Variants in DLG2 observed in about 807,000 individuals in gnomAD.
DLG2 encodes the protein discs large MAGUK scaffold protein 2.
DLG2 carries 45 observed loss-of-function variants against 132.5 expected under a neutral mutation model. The ratio of observed to expected loss-of-function variants is 0.34; its 90% confidence interval spans 0.27 to 0.44. The LOEUF (loss-of-function observed/expected upper bound fraction) is 0.44, where lower values mean the gene tolerates loss of function less well. Ranked by LOEUF, DLG2 falls within the 20% of genes least tolerant of loss-of-function variation. DLG2 has a pLI of 1.00. For synonymous variants in DLG2, 424 were observed against 419.6 expected, an observed-to-expected ratio of 1.01 and a Z score of -0.13; for missense variants, 1,045 against 1,196.9, an observed-to-expected ratio of 0.87 and a Z score of 1.87.
chr11:83,969,479 T>A (rs2090915205), intron 12 of DLG2, among the ~76,000 whole-genome samples: 1 of 152,248 alleles, frequency 6.6e-6, no homozygotes, highest in Non-Finnish European at 1.5e-5. Flanking sequence ...CATATCTCAC[T>A]GATCTCACTG....
chr11:85,487,729 A>T (rs1000680002), intron 3 of DLG2, among the ~76,000 whole-genome samples: 5 of 152,190 alleles, frequency 3.3e-5, no homozygotes, highest in African/African-American at 1.2e-4. Flanking sequence ...GGGTGAAGAG[A>T]GATCAAAAGA....
At chr11:85,170,048 C>G (rs886891054) in intron 4 of DLG2, among the ~76,000 whole-genome samples, 4 of 152,142 alleles carry the variant, frequency 2.6e-5, no homozygotes, top group Non-Finnish European at 5.9e-5. Flanking sequence ...AGGAGAAAAG[C>G]ACATAATTTT....
At chr11:84,565,927 C>A (rs943571331) in intron 6 of DLG2, among the ~76,000 whole-genome samples, 1 of 151,098 alleles carries the variant, frequency 6.6e-6, no homozygotes, top group East Asian at 1.9e-4. Context: ...ACCAACATAA[C>A]TACTATTTCC....
intron 6 of DLG2, among the ~76,000 whole-genome samples, chr11:84,614,906 CT>C (rs554039085): frequency 1.4e-3 from 216 of 152,208 alleles, no homozygotes; most frequent in Non-Finnish European, 2.6e-3. Flanking sequence ...TGTTACAGGA[CT>C]TTCAAAGTAG....
intron 3 of DLG2, among the ~76,000 whole-genome samples, chr11:85,493,159 A>G (rs934323051): frequency 6.6e-6 from 1 of 152,186 alleles, no homozygotes; most frequent in Non-Finnish European, 1.5e-5. Context: ...TGATTAAAGT[A>G]CCCAGGAAGG....
At chr11:83,794,773 G>A (rs1237046162) in intron 17 of DLG2, among the ~76,000 whole-genome samples, 1 of 152,082 alleles carries the variant, frequency 6.6e-6, no homozygotes, top group Non-Finnish European at 1.5e-5. Flanking sequence ...AAGAGGCTAA[G>A]GATCTAAAAT....
intron 10 of DLG2, among the ~76,000 whole-genome samples, chr11:84,059,730 C>G (rs1214534247): frequency 6.6e-6 from 1 of 152,116 alleles, no homozygotes; most frequent in Non-Finnish European, 1.5e-5. Flanking sequence ...AAACTCCAGT[C>G]CACTTTGACT....
At chr11:84,429,876 A>G (rs1345686896) in intron 7 of DLG2, among the ~76,000 whole-genome samples, 1 of 152,208 alleles carries the variant, frequency 6.6e-6, no homozygotes, top group Non-Finnish European at 1.5e-5. Context: ...ATGCAATTAA[A>G]GTTTTGTAAA....
At chr11:84,604,302 G>A (rs2099581690) in intron 6 of DLG2, among the ~76,000 whole-genome samples, 1 of 151,876 alleles carries the variant, frequency 6.6e-6, no homozygotes, top group South Asian at 2.1e-4. Context: ...CTCAGGAGAT[G>A]AGAGAGAAGA....
Position 84,050,956 on chromosome 11 carries a change from C to T in DLG2, c.919+8359G>A, listed in dbSNP as rs555626943. On this transcript the variant is annotated intron_variant, in intron 11 of 27. Coordinates refer to ENST00000376104, the MANE Select transcript of DLG2 (RefSeq NM_001142699.3). Reference sequence around the variant, plus strand: ...TAGTTTGAAGCCAGGTAGCAAGATGCCTCCAGCTTTGTTCTTTTGGCTTAG... The same window carrying T: ...TAGTTTGAAGCCAGGTAGCAAGATGTCTCCAGCTTTGTTCTTTTGGCTTAG... Among the ~76,000 whole-genome samples the T allele has an allele frequency of 5.3e-5, 8 of 151,956 alleles. No individual in the cohort carries two copies. In the South Asian group the frequency reaches 1.2e-3, roughly 24 times the overall value.
At chr11:83,646,629 G>T (rs139692235) in intron 18 of DLG2, 1 of 152,158 alleles carries the variant, frequency 6.6e-6, no homozygotes, top group Non-Finnish European at 1.5e-5. Flanking sequence ...TGGTTCCTTC[G>T]CTCCTAGAAC....
At chr11:84,876,152 C>T (rs1201849092) in intron 6 of DLG2, among the ~76,000 whole-genome samples, 1 of 152,186 alleles carries the variant, frequency 6.6e-6, no homozygotes, top group Non-Finnish European at 1.5e-5. Context: ...GCAACTTACC[C>T]AAGAACGCAC....
chr11:83,814,110 G>T (rs921354448), intron 17 of DLG2, among the ~76,000 whole-genome samples: 3 of 151,976 alleles, frequency 2.0e-5, no homozygotes, highest in African/African-American at 7.2e-5. Context: ...ATATTAGAAC[G>T]TATTTAAAAG....
chr11:84,382,787 C>T (rs1206868935), intron 7 of DLG2, among the ~76,000 whole-genome samples: 3 of 151,930 alleles, frequency 2.0e-5, no homozygotes, highest in African/African-American at 7.2e-5. Context: ...TACTCAATCT[C>T]TCTCCTACCA....
chr11:85,306,562 G>A (rs1438218424), intron 3 of DLG2, among the ~76,000 whole-genome samples: 1 of 152,142 alleles, frequency 6.6e-6, no homozygotes, highest in African/African-American at 2.4e-5. Flanking sequence ...CTGACCACAT[G>A]TATGTCAGTA....
intron 18 of DLG2, among the ~76,000 whole-genome samples, chr11:83,713,019 A>G (rs2085843807): frequency 6.6e-6 from 1 of 152,204 alleles, no homozygotes; most frequent in Non-Finnish European, 1.5e-5. Flanking sequence ...TTTTTTTACT[A>G]AATATTTGTT....
At chr11:85,350,688 T>C (rs2083219610) in intron 3 of DLG2, among the ~76,000 whole-genome samples, 2 of 152,232 alleles carry the variant, frequency 1.3e-5, no homozygotes, top group African/African-American at 2.4e-5. Flanking sequence ...CTTCTTGTTT[T>C]TGTCAGGCTT....
intron 7 of DLG2, among the ~76,000 whole-genome samples, chr11:84,509,597 CA>C (rs1214643795): frequency 1.3e-5 from 2 of 151,986 alleles, no homozygotes; most frequent in East Asian, 3.9e-4. Context: ...AGTGCTCCAC[CA>C]GGAGGAAGAG....
At chr11:83,609,091 T>C (rs1368398006) in intron 19 of DLG2, among the ~76,000 whole-genome samples, 1 of 152,162 alleles carries the variant, frequency 6.6e-6, no homozygotes, top group African/African-American at 2.4e-5. Flanking sequence ...TTACATCAAA[T>C]CATAGGATGA....
Sources: allele counts gnomAD v4.1 joint callset (sites outside exome capture counted in the v4.1 genomes callset), GRCh38; gene constraint gnomAD v4.1.1; transcripts MANE v1.5; gene names NCBI Gene and HGNC (gene_info 2026-07-23, HGNC 2026-07-21).